Variants in TNFSF4 observed in about 807,000 individuals in gnomAD.
TNFSF4 encodes the protein tumor necrosis factor ligand superfamily member 4.
TNFSF4 carries 4 observed loss-of-function variants against 7.3 expected under a neutral mutation model. The observed-to-expected ratio is 0.55, with a 90% confidence interval of 0.27 to 1.25. The LOEUF is 1.25. Among genes scored for constraint, TNFSF4 ranks in the 50% most tolerant of loss-of-function variants. TNFSF4 has a pLI of 0.12. For synonymous variants in TNFSF4, 76 were observed against 83.7 expected (o/e 0.91, Z 0.50); for missense variants, 181 against 208.8 (o/e 0.87, Z 0.82).
chr1:173,323,173 T>A, the TNFSF4 span, among the ~76,000 whole-genome samples: 2 of 152,140 alleles, frequency 1.3e-5, no homozygotes, highest in Admixed American at 1.3e-4. Context: ...GGCCGGGTAC[T>A]CCTCTGAGAC....
the TNFSF4 span, among the ~76,000 whole-genome samples, chr1:173,316,250 TTAACTC>T: frequency 1.8e-4 from 24 of 131,734 alleles, no homozygotes; most frequent in Non-Finnish European, 3.5e-4. Context: ...ATTAATTAGT[TTAACTC>T]TAATAATCAT....
the TNFSF4 span, among the ~76,000 whole-genome samples, chr1:173,277,962 C>CA: frequency 6.6e-6 from 1 of 152,010 alleles, no homozygotes; most frequent in African/African-American, 2.4e-5. Flanking sequence ...AGAATGACAC[C>CA]ACGAAGAATC....
At chr1:173,272,147 T>G in the TNFSF4 span, among the ~76,000 whole-genome samples, 1 of 151,788 alleles carries the variant, frequency 6.6e-6, no homozygotes, top group Non-Finnish European at 1.5e-5. Flanking sequence ...AATTGAACAA[T>G]GAGAACACTT....
the TNFSF4 span, among the ~76,000 whole-genome samples, chr1:173,177,231 G>T: frequency 6.6e-6 from 1 of 152,052 alleles, no homozygotes; most frequent in Admixed American, 6.5e-5. Context: ...AGAAAATGTG[G>T]TATATATACA....
At chr1:173,323,889 G>T in the TNFSF4 span, among the ~76,000 whole-genome samples, 1 of 152,188 alleles carries the variant, frequency 6.6e-6, no homozygotes, top group Non-Finnish European at 1.5e-5. Context: ...CGTCTAATTG[G>T]TGTACCTGAA....
At chr1:173,275,834 T>C in the TNFSF4 span, among the ~76,000 whole-genome samples, 1 of 152,180 alleles carries the variant, frequency 6.6e-6, no homozygotes, top group African/African-American at 2.4e-5. Context: ...CTGTAATTTA[T>C]TAAGATAACA....
At chr1:173,359,928 T>G in the TNFSF4 span, among the ~76,000 whole-genome samples, 1 of 152,356 alleles carries the variant, frequency 6.6e-6, no homozygotes, top group East Asian at 1.9e-4. Context: ...CAACATCTCA[T>G]TCTCTGCACA....
chr1:173,231,375 G>T, the TNFSF4 span, among the ~76,000 whole-genome samples: 1 of 152,126 alleles, frequency 6.6e-6, no homozygotes, highest in Non-Finnish European at 1.5e-5. Flanking sequence ...TGCAGAAAAG[G>T]CCTTTGACAA....
the TNFSF4 span, among the ~76,000 whole-genome samples, chr1:173,217,432 A>G: frequency 3.3e-5 from 5 of 152,218 alleles, no homozygotes; most frequent in African/African-American, 9.6e-5. Flanking sequence ...CAAGTTATTT[A>G]GCTCCTATCT....
At chr1:173,358,085 A>C in the TNFSF4 span, among the ~76,000 whole-genome samples, 1 of 152,228 alleles carries the variant, frequency 6.6e-6, no homozygotes, top group Non-Finnish European at 1.5e-5. Flanking sequence ...GACCCAATGT[A>C]ATCACAATGG....
chr1:173,311,963 T>C, the TNFSF4 span, among the ~76,000 whole-genome samples: 3 of 152,126 alleles, frequency 2.0e-5, no homozygotes, highest in Admixed American at 1.3e-4. Flanking sequence ...TGTCTAATAT[T>C]TCTTGTTGCT....
chr1:173,422,974 A>G, the TNFSF4 span, among the ~76,000 whole-genome samples: 3 of 148,990 alleles, frequency 2.0e-5, no homozygotes, highest in Non-Finnish European at 3.0e-5. Flanking sequence ...ATATATGTAC[A>G]TTTTTTTTTT....
At chr1:173,298,125 C>G in the TNFSF4 span, among the ~76,000 whole-genome samples, 1 of 151,740 alleles carries the variant, frequency 6.6e-6, no homozygotes, top group Non-Finnish European at 1.5e-5. Context: ...ACCACGACCA[C>G]AACAAAAAGA....
At chr1:173,417,273 G>C in the TNFSF4 span, among the ~76,000 whole-genome samples, 194 of 152,310 alleles carry the variant, frequency 1.3e-3, no homozygotes, top group South Asian at 0.013. Context: ...CCTTATCTGG[G>C]ATGTGGGAAT....
chr1:173,373,434 C>A, the TNFSF4 span, among the ~76,000 whole-genome samples: 2 of 152,146 alleles, frequency 1.3e-5, no homozygotes, highest in South Asian at 2.1e-4. Context: ...GGGACTTTCA[C>A]GGGGGCATAG....
the TNFSF4 span, among the ~76,000 whole-genome samples, chr1:173,294,048 A>T: frequency 2.0e-5 from 3 of 152,128 alleles, no homozygotes; most frequent in South Asian, 4.1e-4. Context: ...CAATTTGAAG[A>T]TTTCTCAAAG....
the TNFSF4 span, among the ~76,000 whole-genome samples, chr1:173,178,730 C>A: frequency 6.6e-6 from 1 of 152,092 alleles, no homozygotes; most frequent in South Asian, 2.1e-4. Flanking sequence ...TAATGACCCC[C>A]AAAAATATGT....
At chr1:173,311,834 G>A in the TNFSF4 span, among the ~76,000 whole-genome samples, 9 of 152,186 alleles carry the variant, frequency 5.9e-5, no homozygotes, top group South Asian at 2.1e-4. Flanking sequence ...AATAAAATGC[G>A]GATTTGGAGA....
chr1:173,202,507 A>G (rs1649989335), intron 1 of TNFSF4, among the ~76,000 whole-genome samples: 1 of 152,218 alleles, frequency 6.6e-6, no homozygotes, highest in Non-Finnish European at 1.5e-5. Flanking sequence ...GGAAAAGAGG[A>G]TAAGCTGTCT....
Sources: allele counts gnomAD v4.1 joint callset (sites outside exome capture counted in the v4.1 genomes callset), GRCh38; gene constraint gnomAD v4.1.1; transcripts MANE v1.5; gene names NCBI Gene and HGNC (gene_info 2026-07-23, HGNC 2026-07-21).